UTRN: variants seen among roughly 807,000 people sequenced by gnomAD.
UTRN encodes dystrophin-related protein 1.
A neutral mutation model predicts 463.9 loss-of-function variants in UTRN; 283 were observed. The observed-to-expected ratio is 0.61, with a 90% CI of 0.55 to 0.67. The LOEUF (loss-of-function observed/expected upper bound fraction) is 0.67, where lower values mean the gene tolerates loss of function less well. Among genes scored for constraint, UTRN ranks in the 30% least tolerant of loss-of-function variants. The pLI is 0.00. For synonymous variants in UTRN, 1,442 were observed against 1,431.5 expected (o/e 1.01, Z -0.17); for missense variants, 3,922 against 4,084.3 (o/e 0.96, Z 1.08).
rs1786859012 is a variant in UTRN, at chr6:144,438,963, G to A, written c.1392+68G>A. 3 of 1,520,326 alleles carry A rather than the reference G, an allele frequency of 2.0e-6. No homozygotes were observed. In the Admixed American group the frequency reaches 5.3e-5, roughly 27 times the overall value. The allele number at this position is 1,520,326 out of a possible 1,614,324, so 94.2% of individuals were successfully genotyped here. A position where few individuals can be genotyped will look rare whatever the true frequency, so the allele number is the denominator to read the frequency against. On this transcript the variant is annotated intron_variant, in intron 12 of 74. Transcript: ENST00000367545. ...AAGAGCAGCACTTAGCATCTCAGAGGCTGATGACATCTATCGTTAACATGA... is the reference window on the plus strand; with the variant it reads ...AAGAGCAGCACTTAGCATCTCAGAGACTGATGACATCTATCGTTAACATGA...
At chr6:144,631,226 TGAGA>T (rs139644013) in intron 51 of UTRN, among the ~76,000 whole-genome samples, 6,772 of 138,806 alleles carry the variant, frequency 0.049, 195 homozygotes, top group Non-Finnish European at 0.077. Flanking sequence ...TGTGTGTGTG[TGAGA>T]GAGAGAGGTG....
At chr6:144,634,542 G>GT (rs546314304) in intron 51 of UTRN, among the ~76,000 whole-genome samples, 168 of 152,258 alleles carry the variant, frequency 1.1e-3, no homozygotes, top group Non-Finnish European at 1.7e-3. Context: ...TTGATAATAT[G>GT]TTTTTTATTT....
At chr6:144,702,654 G>A (rs925030187) in intron 53 of UTRN, among the ~76,000 whole-genome samples, 1 of 152,136 alleles carries the variant, frequency 6.6e-6, no homozygotes, top group African/African-American at 2.4e-5. Context: ...TCACAAATTG[G>A]GTGATTTTTG....
intron 17 of UTRN, 113 bp downstream of exon 17, chr6:144,448,882 A>G (rs1787965853): frequency 1.7e-6 from 2 of 1,211,592 alleles, no homozygotes; most frequent in East Asian, 2.6e-5. Flanking sequence ...CATAATAAGT[A>G]TTATTATTAT....
At chr6:144,700,741 T>TG (rs1784507199) in intron 53 of UTRN, among the ~76,000 whole-genome samples, 1 of 145,490 alleles carries the variant, frequency 6.9e-6, no homozygotes, top group African/African-American at 2.5e-5. Context: ...CTAACTTTGT[T>TG]TTTTTTTTTT....
At chr6:144,756,668 A>G (rs143507693) in intron 57 of UTRN, among the ~76,000 whole-genome samples, 48 of 152,264 alleles carry the variant, frequency 3.2e-4, no homozygotes, top group Non-Finnish European at 6.2e-4. Flanking sequence ...GGTTGGCTCT[A>G]ATGAGAAATG....
At chr6:144,660,006 C>G (rs1269479891) in intron 51 of UTRN, 1 of 342,606 alleles carries the variant, frequency 2.9e-6, no homozygotes, top group Non-Finnish European at 5.8e-6. Flanking sequence ...CTTGCGAACT[C>G]CGAAGTCCAT....
chr6:144,745,900 C>T (rs1420170319), intron 54 of UTRN, among the ~76,000 whole-genome samples: 1 of 151,794 alleles, frequency 6.6e-6, no homozygotes, highest in Non-Finnish European at 1.5e-5. Flanking sequence ...AAGTTACCAC[C>T]TCTCATGAGA....
intron 2 of UTRN, among the ~76,000 whole-genome samples, chr6:144,380,512 T>C (rs542555056): frequency 6.6e-6 from 1 of 152,240 alleles, no homozygotes; most frequent in South Asian, 2.1e-4. Context: ...ATAATGATAG[T>C]TGAAACTCAA....
intron 34 of UTRN, among the ~76,000 whole-genome samples, chr6:144,503,849 TCA>T (rs1292012787): frequency 6.6e-6 from 1 of 152,222 alleles, no homozygotes; most frequent in African/African-American, 2.4e-5. Context: ...ATGGCCATTT[TCA>T]CAGTATTGAT....
At chr6:144,353,168 G>C (rs1778260491) in intron 2 of UTRN, among the ~76,000 whole-genome samples, 1 of 151,978 alleles carries the variant, frequency 6.6e-6, no homozygotes, top group Non-Finnish European at 1.5e-5. Flanking sequence ...AGGCTGGAGT[G>C]CAGTGGTGCG....
In UTRN at chr6:144,827,613, C is replaced by A. The variant is rs1453574688; in HGVS notation, c.9536C>A (p.Pro3179His). Residue 3179 changes from proline (P) to histidine (H), a missense_variant and splice_region_variant, in exon 68 of 75, where the codon CCC becomes CAC. This residue lies in a region of UTRN where 1,309 missense variants were observed against 1,452.6 expected (regional missense o/e 0.90). Coordinates refer to ENST00000367545, the MANE Select transcript of UTRN (RefSeq NM_007124.3). Reference protein sequence around the residue: ...LISMWPEHYDPSQSPQLFHDD... With the variant: ...LISMWPEHYDHSQSPQLFHDD... ...TGCTTTGTTTTTTTCTTTTAAAGCC[C>A]CTCACAATCTCCTCAACTGTTTCAT... 2.5e-6 allele frequency: 4 copies of A among 1,613,210 alleles called. No individual in the cohort carries two copies. The highest frequency in any genetic ancestry group is 3.4e-6 in the Non-Finnish European group (4 of 1,179,646).
At chr6:144,516,181 A>G (rs777983345) in intron 37 of UTRN, 48 bp from the exon 38 acceptor site, 9 of 1,580,000 alleles carry the variant, frequency 5.7e-6, no homozygotes, top group Non-Finnish European at 7.8e-6. Flanking sequence ...TTAATGATGG[A>G]AAGTCAAATT....
intron 51 of UTRN, among the ~76,000 whole-genome samples, chr6:144,668,108 C>T (rs1780613450): frequency 6.6e-6 from 1 of 152,172 alleles, no homozygotes; most frequent in Non-Finnish European, 1.5e-5. Flanking sequence ...GTTCATCTCA[C>T]CCAGTCTCTA....
chr6:144,733,563 T>A (rs971985915), intron 54 of UTRN, among the ~76,000 whole-genome samples: 1 of 151,720 alleles, frequency 6.6e-6, no homozygotes, highest in Non-Finnish European at 1.5e-5. Flanking sequence ...TTTCAACAAA[T>A]TTTTTACTAC....
rs571552475 is a variant in UTRN at position 144,632,814 on chromosome 6, C to T, written c.7480-45592C>T. On this transcript the variant is annotated intron_variant, in intron 51 of 74. Coordinates refer to ENST00000367545, the MANE Select transcript of UTRN (RefSeq NM_007124.3). Reference sequence around the variant, plus strand: ...TTGGCTCACTGCAACCTCCGCCTCCCGGGTTCAAGCGATTCTCCTGCCTCA... The same window carrying T: ...TTGGCTCACTGCAACCTCCGCCTCCTGGGTTCAAGCGATTCTCCTGCCTCA... Among the ~76,000 whole-genome samples the T allele has an allele frequency of 5.9e-5, 9 of 151,968 alleles. No individual in the cohort carries two copies. In the South Asian group the frequency reaches 1.7e-3, roughly 28 times the overall value.
At chr6:144,806,593 C>G (rs1261979756) in intron 65 of UTRN, among the ~76,000 whole-genome samples, 2 of 102,124 alleles carry the variant, frequency 2.0e-5, no homozygotes, top group African/African-American at 6.7e-5. Flanking sequence ...CATTCATTCT[C>G]TGAAGCCACA....
At chr6:144,480,298 A>G (rs980859846) in intron 26 of UTRN, among the ~76,000 whole-genome samples, 7 of 151,366 alleles carry the variant, frequency 4.6e-5, no homozygotes, top group Non-Finnish European at 8.9e-5. Context: ...AAGAATGATC[A>G]TTTTTTTTTA....
intron 2 of UTRN, among the ~76,000 whole-genome samples, chr6:144,349,733 A>G (rs1213758648): frequency 6.6e-6 from 1 of 152,014 alleles, no homozygotes; most frequent in Non-Finnish European, 1.5e-5. Flanking sequence ...ATGAAACTGG[A>G]TTTGGATCTG....
Sources: allele counts gnomAD v4.1 joint callset (sites outside exome capture counted in the v4.1 genomes callset), GRCh38; gene constraint gnomAD v4.1.1; regional missense constraint gnomAD v4.1.1; transcripts MANE v1.5; gene names NCBI Gene and HGNC (gene_info 2026-07-23, HGNC 2026-07-21).